The following EFCAB5 variants were observed in gnomAD, a reference collection of about 807,000 sequenced individuals.
The protein encoded by EFCAB5 is EF-hand calcium binding domain 5.
A neutral mutation model predicts 167.9 loss-of-function variants in EFCAB5; 131 were observed. The observed-to-expected ratio is 0.78, with a 90% CI of 0.68 to 0.90. EFCAB5 has a LOEUF of 0.90. EFCAB5 is among the 40% of genes least tolerant of loss of function. The pLI is 0.00. For synonymous variants in EFCAB5, 574 were observed against 602.8 expected, an observed-to-expected ratio of 0.95 and a Z score of 0.70; for missense variants, 1,663 against 1,745.2, an observed-to-expected ratio of 0.95 and a Z score of 0.84.
chr17:30,050,658 CA>C (rs1212983547), intron 8 of EFCAB5, among the ~76,000 whole-genome samples: 2 of 152,074 alleles, frequency 1.3e-5, no homozygotes, highest in African/African-American at 2.4e-5. Context: ...TTTTAAAGCA[CA>C]TACACAAAAT....
chr17:30,089,219 A>C (rs139171553), intron 19 of EFCAB5, among the ~76,000 whole-genome samples: 105 of 152,314 alleles, frequency 6.9e-4, no homozygotes, highest in Non-Finnish European at 1.3e-3. Context: ...AACTTAGAAC[A>C]GATGTCTTTG....
At position 29,932,339 on chromosome 17, in the gene EFCAB5, C is replaced by T. The variant is rs536975396; in HGVS notation, c.-127+3010C>T. The stretch of plus-strand genomic sequence containing the variant: ...CTAGTTTTTATATTTTTAGTAGGGA[C>T]GGGGTTTCACCGTATTGGCCAGGCT... On this transcript the variant is annotated intron_variant, in intron 1 of 3. Coordinates refer to the EFCAB5 transcript ENST00000448319. 4.7e-5 allele frequency among the ~76,000 whole-genome samples: 7 copies of T among 149,032 alleles called. No homozygotes were observed. In the South Asian group the frequency reaches 8.6e-4, roughly 18 times the overall value.
intron 8 of EFCAB5, among the ~76,000 whole-genome samples, chr17:30,042,241 T>C (rs1043602467): frequency 2.0e-5 from 3 of 152,152 alleles, no homozygotes; most frequent in Non-Finnish European, 2.9e-5. Flanking sequence ...ACTCCTGACC[T>C]CAGGTGACCC....
intron 3 of EFCAB5, 107 bp downstream of exon 3, chr17:29,943,756 C>A: frequency 2.2e-6 from 2 of 921,498 alleles, no homozygotes; most frequent in Non-Finnish European, 3.1e-6. Context: ...GGTGGATCAT[C>A]AGAGGTCAGG....
At chr17:29,963,226 G>C (rs748019912) in intron 3 of EFCAB5, among the ~76,000 whole-genome samples, 34 of 152,244 alleles carry the variant, frequency 2.2e-4, no homozygotes, top group Non-Finnish European at 4.6e-4. Context: ...AGAGGCATGA[G>C]CCACCACACC....
At chr17:30,007,421 C>T (rs1350522158) in intron 7 of EFCAB5, among the ~76,000 whole-genome samples, 1 of 152,050 alleles carries the variant, frequency 6.6e-6, no homozygotes, top group Non-Finnish European at 1.5e-5. Context: ...TAAATTTATT[C>T]CAGAGTCTTA....
rs1288284488 is a variant in EFCAB5 at position 30,092,933 on chromosome 17, A to C, written c.4318A>C (p.Arg1440=). The change falls in exon 22 of 23, where the codon AGA becomes CGA. Residue 1440 remains arginine, a synonymous_variant. Transcript: ENST00000394835. The part of the protein sequence containing the change: ...VNVQLIDEYI[R]DHSRTEVWKF... Reference sequence around the variant, plus strand: ...TGTACAGCTTATTGATGAATATATCAGAGGTAAATTTCCACTTAATTACAG... The same window carrying C: ...TGTACAGCTTATTGATGAATATATCCGAGGTAAATTTCCACTTAATTACAG... 6.3e-7 allele frequency: 1 copy of C among 1,598,804 alleles called. No homozygotes were observed. Among genetic ancestry groups the C allele is most frequent in the Non-Finnish European group, 8.5e-7 (1 of 1,172,862 alleles).
intron 14 of EFCAB5, chr17:30,069,170 C>T (rs944021392): frequency 4.7e-5 from 72 of 1,545,942 alleles, no homozygotes; most frequent in East Asian, 6.7e-5. Flanking sequence ...AGAGAATCCA[C>T]ATCTTCTGAG....
At chr17:30,078,576 A>C in intron 15 of EFCAB5, 72 bp downstream of exon 15, 1 of 1,442,842 alleles carries the variant, frequency 6.9e-7, no homozygotes, top group East Asian at 2.5e-5. Flanking sequence ...TTTGCAAAAG[A>C]GGAGCATCTT....
chr17:29,937,551 C>A (rs1464613992), upstream of EFCAB5, among the ~76,000 whole-genome samples: 2 of 152,158 alleles, frequency 1.3e-5, no homozygotes, highest in African/African-American at 4.8e-5. Context: ...ATCCTCCCAA[C>A]CCCAAGGAAG....
At chr17:30,049,677 T>A (rs2070030923) in intron 8 of EFCAB5, among the ~76,000 whole-genome samples, 1 of 152,224 alleles carries the variant, frequency 6.6e-6, no homozygotes, top group African/African-American at 2.4e-5. Context: ...ATACCATTTT[T>A]ATCTATCAGA....
At chr17:30,104,900 G>A (rs1015092919) in intron 22 of EFCAB5, among the ~76,000 whole-genome samples, 3 of 152,164 alleles carry the variant, frequency 2.0e-5, no homozygotes, top group Non-Finnish European at 4.4e-5. Flanking sequence ...CCATCCCCGT[G>A]TCGTTGAATC....
intron 10 of EFCAB5, among the ~76,000 whole-genome samples, chr17:30,054,442 C>T (rs975565000): frequency 1.8e-4 from 27 of 152,066 alleles, no homozygotes; most frequent in Admixed American, 9.8e-4. Flanking sequence ...AGTAGAAGCC[C>T]TTTTGTTTTA....
chr17:30,071,136 G>A (rs566922513), intron 14 of EFCAB5, among the ~76,000 whole-genome samples: 184 of 150,108 alleles, frequency 1.2e-3, no homozygotes, highest in African/African-American at 4.0e-3. Flanking sequence ...TTAGACAAGC[G>A]GGATTCTATC....
intron 4 of EFCAB5, among the ~76,000 whole-genome samples, chr17:29,978,685 T>C (rs1225321195): frequency 6.6e-6 from 1 of 152,198 alleles, no homozygotes; most frequent in African/African-American, 2.4e-5. Flanking sequence ...TCTGGTAAAA[T>C]GCCTGACAAG....
intron 4 of EFCAB5, among the ~76,000 whole-genome samples, chr17:29,971,626 A>G (rs998233493): frequency 2.6e-5 from 4 of 152,212 alleles, no homozygotes; most frequent in Non-Finnish European, 5.9e-5. Context: ...TATGAAAGTG[A>G]TAATATGATT....
At chr17:29,991,380 G>A (rs11650795) in intron 4 of EFCAB5, among the ~76,000 whole-genome samples, 13,587 of 152,264 alleles carry the variant, frequency 0.089, 758 homozygotes, top group Admixed American at 0.13. Flanking sequence ...AGAGCTGAGA[G>A]CCTCGAACAG....
chr17:30,044,626 T>G (rs1172062209), intron 8 of EFCAB5, among the ~76,000 whole-genome samples: 2 of 151,982 alleles, frequency 1.3e-5, no homozygotes, highest in African/African-American at 4.8e-5. Flanking sequence ...AAAAAAACAC[T>G]GACAATACCA....
upstream of EFCAB5, among the ~76,000 whole-genome samples, chr17:29,938,566 TAGTC>T (rs2067264407): frequency 6.6e-6 from 1 of 152,228 alleles, no homozygotes; most frequent in Admixed American, 6.5e-5. Context: ...CTTTCAAAAT[TAGTC>T]AGTCCTGTCA....
Sources: gnomAD v4.1 joint callset for allele counts (sites outside exome capture counted in the v4.1 genomes callset) on GRCh38, gnomAD v4.1.1 for gene constraint, MANE v1.5 for transcripts, NCBI Gene and HGNC (gene_info 2026-07-23, HGNC 2026-07-21) for gene names.